SLCO1A2: variants seen among roughly 807,000 people sequenced by gnomAD.
SLCO1A2 encodes the protein OATP-1.
In SLCO1A2, 67 loss-of-function variants were observed where a neutral mutation model predicts 69.0. The ratio of observed to expected loss-of-function variants is 0.97; its 90% CI spans 0.80 to 1.19. SLCO1A2 has a LOEUF of 1.19. SLCO1A2 is among the 50% of genes most tolerant of loss of function. The pLI, the probability that SLCO1A2 is intolerant of heterozygous loss-of-function variation, is 0.00. For synonymous variants in SLCO1A2, 260 were observed against 265.9 expected (o/e 0.98, Z 0.22); for missense variants, 787 against 793.7 (o/e 0.99, Z 0.10).
chr12:21,402,680 G>A (rs897198383), intron 1 of SLCO1A2, among the ~76,000 whole-genome samples: 2 of 152,036 alleles, frequency 1.3e-5, no homozygotes, highest in African/African-American at 2.4e-5. Context: ...CTAGAGGGAT[G>A]TCCATAGTTC....
intron 2 of SLCO1A2, among the ~76,000 whole-genome samples, chr12:21,332,701 TC>T (rs1952689749): frequency 6.6e-6 from 1 of 152,122 alleles, no homozygotes; most frequent in African/African-American, 2.4e-5. Flanking sequence ...TCTCACTGTG[TC>T]TTCACATGGC....
At chr12:21,294,767 T>C (rs1194686422) in intron 10 of SLCO1A2, 1 of 152,194 alleles carries the variant, frequency 6.6e-6, no homozygotes, top group East Asian at 1.9e-4. Flanking sequence ...AGATTTGAAA[T>C]GAACTGCTTT....
At chr12:21,281,404 C>T (rs562183105) in intron 12 of SLCO1A2, among the ~76,000 whole-genome samples, 25 of 151,570 alleles carry the variant, frequency 1.6e-4, no homozygotes, top group Non-Finnish European at 1.3e-4. Flanking sequence ...GAGCCAAGAT[C>T]GCGCCACTGC....
At chr12:21,282,303 C>T (rs1944936812) in intron 12 of SLCO1A2, among the ~76,000 whole-genome samples, 1 of 151,818 alleles carries the variant, frequency 6.6e-6, no homozygotes, top group Non-Finnish European at 1.5e-5. Flanking sequence ...CTATATGATA[C>T]ATCATACCAA....
intron 2 of SLCO1A2, among the ~76,000 whole-genome samples, chr12:21,363,151 CA>C (rs1381192923): frequency 6.6e-6 from 1 of 152,158 alleles, no homozygotes; most frequent in Non-Finnish European, 1.5e-5. Context: ...GGAAGTAAAG[CA>C]CTCCTCAGCA....
intron 12 of SLCO1A2, among the ~76,000 whole-genome samples, chr12:21,285,313 A>T (rs1381411922): frequency 6.6e-6 from 1 of 152,198 alleles, no homozygotes; most frequent in Non-Finnish European, 1.5e-5. Context: ...ACAAGGAAGA[A>T]GTTGAATCTC....
Position 21,269,736 on chromosome 12 carries a change from T to C in SLCO1A2, c.1825A>G (p.Arg609Gly). ...AAGGCTGGAACAAAGCTTGATCCTC[T>C]TAGTGCTGCCGGCAATCCGAGGTAG... ...YIYLGLPAAL[R>G]GSSFVPALII... Residue 609 changes from arginine (R) to glycine (G), a missense_variant, in exon 15 of 15, where the codon AGA (arginine) becomes GGA (glycine). Physicochemically the swap from Arg to Gly is moderately radical, Grantham distance 125 (BLOSUM62 -2). Coordinates refer to ENST00000683939, the MANE Select transcript of SLCO1A2 (RefSeq NM_001386879.1). 1 of 1,611,836 alleles carries C rather than the reference T, an allele frequency of 6.2e-7. No individual in the cohort carries two copies. Among genetic ancestry groups the C allele is most frequent in the Non-Finnish European group, 8.5e-7 (1 of 1,178,546 alleles).
chr12:21,292,756 C>G (rs1158964349), intron 11 of SLCO1A2, among the ~76,000 whole-genome samples: 1 of 152,032 alleles, frequency 6.6e-6, no homozygotes, highest in Admixed American at 6.6e-5. Context: ...CCACCATTCC[C>G]AGCTACATTT....
chr12:21,357,048 T>C (rs1020392055), intron 2 of SLCO1A2, among the ~76,000 whole-genome samples: 32 of 151,574 alleles, frequency 2.1e-4, no homozygotes, highest in Non-Finnish European at 2.7e-4. Context: ...ACGAACAAAA[T>C]CTACTGAGCT....
intron 2 of SLCO1A2, among the ~76,000 whole-genome samples, chr12:21,356,379 C>T (rs1938363748): frequency 6.6e-6 from 1 of 151,918 alleles, no homozygotes; most frequent in African/African-American, 2.4e-5. Context: ...TTCAGATTAA[C>T]TCCCAAAACA....
intron 14 of SLCO1A2, among the ~76,000 whole-genome samples, chr12:21,272,723 T>TA (rs1374071376): frequency 6.6e-6 from 1 of 152,156 alleles, no homozygotes; most frequent in Non-Finnish European, 1.5e-5. Context: ...ATATAAAAAT[T>TA]ACTATCTTTT....
upstream of SLCO1A2, among the ~76,000 whole-genome samples, chr12:21,396,677 G>A (rs1286367974): frequency 6.6e-6 from 1 of 152,192 alleles, no homozygotes; most frequent in African/African-American, 2.4e-5. Context: ...GGATCTCTCA[G>A]CAGAAACCCT....
intron 2 of SLCO1A2, among the ~76,000 whole-genome samples, chr12:21,350,822 C>A (rs1373033480): frequency 1.1e-5 from 1 of 91,356 alleles, no homozygotes; most frequent in Non-Finnish European, 1.9e-5. Flanking sequence ...GGTGACAGAG[C>A]AAGACTCTGT....
intron 1 of SLCO1A2, among the ~76,000 whole-genome samples, chr12:21,415,608 T>C (rs189255609): frequency 2.0e-5 from 3 of 152,236 alleles, no homozygotes; most frequent in Admixed American, 2.0e-4. Flanking sequence ...GCTTCATTTA[T>C]TGTGGACCCC....
chr12:21,322,567 C>T lies in SLCO1A2; in HGVS notation c.61-3644G>A, dbSNP rs148460194. Among the ~76,000 whole-genome samples, 638 of 152,224 alleles carry T rather than the reference C, an allele frequency of 4.2e-3. 9 individuals are homozygous for T. Among genetic ancestry groups the T allele is most frequent in the African/African-American group, 0.015 (614 of 41,538 alleles). ...AGTTATTATCAATAGAAAATAATAT[C>T]TGGGTTATAATAAGGGCTTGTGGGG... On this transcript the variant is annotated intron_variant, in intron 2 of 14. Transcript: ENST00000683939.
At chr12:21,344,614 C>G (rs1013871197) in intron 2 of SLCO1A2, among the ~76,000 whole-genome samples, 18 of 151,892 alleles carry the variant, frequency 1.2e-4, no homozygotes, top group Non-Finnish European at 2.2e-4. Flanking sequence ...GTCTGGGAGA[C>G]GTTTTAGGAC....
chr12:21,269,631 C>T lies in SLCO1A2; in HGVS notation c.1930G>A (p.Val644Ile), dbSNP rs1243482641. 3 of 1,612,540 alleles carry T rather than the reference C, an allele frequency of 1.9e-6. No homozygotes were observed. Among genetic ancestry groups the T allele is most frequent in the East Asian group, 2.2e-5 (1 of 44,814 alleles). Residue 644 changes from valine (V) to isoleucine (I), a missense_variant, in exon 15 of 15, where the codon GTC (valine) becomes ATC (isoleucine). Physicochemically the swap from Val to Ile is conservative, Grantham distance 29. Coordinates refer to ENST00000683939, the MANE Select transcript of SLCO1A2 (RefSeq NM_001386879.1). ...TTGCACTCATTTTCCTTCCCTTTGA[C>T]TTTTGTCTCTATAAGCTCTGTTCCT... is the stretch of plus-strand genomic sequence containing the variant. ...SSGTELIETK[V>I]KGKENECKDI...
intron 1 of SLCO1A2, among the ~76,000 whole-genome samples, chr12:21,408,694 T>C (rs1023316260): frequency 6.6e-6 from 1 of 150,978 alleles, no homozygotes; most frequent in African/African-American, 2.4e-5. Flanking sequence ...ATGAAGATGT[T>C]TGGCTGCCTC....
intron 3 of SLCO1A2, among the ~76,000 whole-genome samples, chr12:21,317,574 G>T (rs1012899215): frequency 6.6e-6 from 1 of 151,994 alleles, no homozygotes; most frequent in African/African-American, 2.4e-5. Context: ...TCTACCTTCC[G>T]TTAGATTATG....
Sources: gnomAD v4.1 joint callset for allele counts (sites outside exome capture counted in the v4.1 genomes callset) on GRCh38, gnomAD v4.1.1 for gene constraint, MANE v1.5 for transcripts, NCBI Gene and HGNC (gene_info 2026-07-23, HGNC 2026-07-21) for gene names.